MYLK: variants seen among roughly 807,000 people sequenced by gnomAD.
MYLK encodes myosin light chain kinase, smooth muscle.
A neutral mutation model predicts 203.4 loss-of-function variants in MYLK; 106 were observed. The ratio of observed to expected loss-of-function variants is 0.52; its 90% CI spans 0.45 to 0.61. The LOEUF (loss-of-function observed/expected upper bound fraction) is 0.61. Ranked by LOEUF, MYLK falls within the 20% of genes least tolerant of loss-of-function variation. MYLK has a pLI of 0.00. For missense variants in MYLK, 2,072 were observed against 2,442.3 expected, an observed-to-expected ratio of 0.85 and a Z score of 3.20; for synonymous variants, 867 against 959.5, an observed-to-expected ratio of 0.90 and a Z score of 1.78.
chr3:123,877,612 A>G (rs533869235), intron 1 of MYLK, among the ~76,000 whole-genome samples: 26 of 152,358 alleles, frequency 1.7e-4, no homozygotes, highest in Middle Eastern at 3.4e-3. Flanking sequence ...CGTTGATTGT[A>G]TCATGTATAC....
At chr3:123,787,702 C>T (rs1013171729) in intron 4 of MYLK, among the ~76,000 whole-genome samples, 3 of 152,100 alleles carry the variant, frequency 2.0e-5, no homozygotes, top group African/African-American at 7.2e-5. Flanking sequence ...CAGGTTCTTA[C>T]CCTACAAAAA....
chr3:123,821,807 C>A (rs966571660), intron 3 of MYLK, among the ~76,000 whole-genome samples: 5 of 152,168 alleles, frequency 3.3e-5, no homozygotes, highest in African/African-American at 1.2e-4. Flanking sequence ...AAAACCCAAC[C>A]CTTTACCTAT....
chr3:123,866,985 C>T (rs2032373823), intron 2 of MYLK, among the ~76,000 whole-genome samples: 1 of 152,104 alleles, frequency 6.6e-6, no homozygotes, highest in African/African-American at 2.4e-5. Context: ...CCTAGAACAC[C>T]CCTTTCCCTC....
chr3:123,766,581 C>G (rs1267899386), intron 4 of MYLK, among the ~76,000 whole-genome samples: 1 of 151,994 alleles, frequency 6.6e-6, no homozygotes, highest in Non-Finnish European at 1.5e-5. Context: ...AAAGGGTGAA[C>G]CCAGTTTGCA....
intron 13 of MYLK, among the ~76,000 whole-genome samples, chr3:123,711,338 G>T (rs767391873): frequency 2.0e-5 from 3 of 152,186 alleles, no homozygotes; most frequent in African/African-American, 7.2e-5. Flanking sequence ...AACACCTTAA[G>T]TCTCCATAGT....
Position 123,752,450 on chromosome 3 carries a change from A to C in MYLK, c.254T>G (p.Ile85Ser). ...AATCACAAGGCTGAAAGTCCCCCGG[A>C]TGCCGCAATCCAGCAGGAAGCGGCC... ...SGGRFLLDCG[I>S]RGTFSLVIHA... The change falls in exon 5 of 34, where the codon ATC becomes AGC. Residue 85 changes from isoleucine to serine, a missense_variant. Physicochemically the swap from Ile to Ser is moderately radical, Grantham distance 142. This residue lies in a region of MYLK where 683 missense variants were observed against 643.8 expected (regional missense o/e 1.06). Coordinates refer to ENST00000360304, the MANE Select transcript of MYLK (RefSeq NM_053025.4). 1 of 1,614,188 alleles carries C rather than the reference A, an allele frequency of 6.2e-7. No individual in the cohort carries two copies. The highest frequency in any genetic ancestry group is 8.5e-7 in the Non-Finnish European group (1 of 1,180,030).
chr3:123,840,352 C>T (rs2066560579), intron 2 of MYLK, among the ~76,000 whole-genome samples: 2 of 129,172 alleles, frequency 1.5e-5, no homozygotes, highest in South Asian at 5.2e-4. Context: ...GAGAACATCA[C>T]TACAAATCCT....
chr3:123,681,833 T>G, intron 20 of MYLK: 2 of 287,342 alleles, frequency 7.0e-6, no homozygotes, highest in Non-Finnish European at 1.4e-5. Context: ...CAACCAGGAG[T>G]GATGAGATCA....
At chr3:123,687,568 G>C (rs2060498075) in intron 19 of MYLK, among the ~76,000 whole-genome samples, 1 of 151,184 alleles carries the variant, frequency 6.6e-6, no homozygotes, top group Non-Finnish European at 1.5e-5. Context: ...AGCAGCACCT[G>C]ACCCTTCCTT....
At chr3:123,644,009 T>C (rs820470) in intron 27 of MYLK, among the ~76,000 whole-genome samples, 49,978 of 152,228 alleles carry the variant, frequency 0.33, 14,836 homozygotes, top group African/African-American at 0.76. Context: ...CTGAAGGAAC[T>C]GCTGTGTCAG....
chr3:123,616,562 C>A (rs1192739149), intron 33 of MYLK: 1 of 152,124 alleles, frequency 6.6e-6, no homozygotes, highest in Non-Finnish European at 1.5e-5. Flanking sequence ...AATTGTAGCC[C>A]TGATACGGTT....
chr3:123,651,900 G>T (rs967043679), intron 24 of MYLK, among the ~76,000 whole-genome samples: 1 of 152,216 alleles, frequency 6.6e-6, no homozygotes, highest in Non-Finnish European at 1.5e-5. Context: ...AGGAATTCCA[G>T]CCCCTCTTTC....
chr3:123,626,105 A>G (rs2058134942), intron 31 of MYLK, among the ~76,000 whole-genome samples: 1 of 152,176 alleles, frequency 6.6e-6, no homozygotes, highest in Non-Finnish European at 1.5e-5. Context: ...CCTAGGGTTA[A>G]AAGATTTAGT....
chr3:123,709,961 A>C (rs2061626380), intron 13 of MYLK, 68 bp from the exon 14 acceptor site: 1 of 1,592,020 alleles, frequency 6.3e-7, no homozygotes, highest in African/African-American at 1.3e-5. Flanking sequence ...AGACTAAATG[A>C]CCACTTGGTA....
intron 11 of MYLK, among the ~76,000 whole-genome samples, chr3:123,728,369 G>A (rs1217303078): frequency 6.6e-6 from 1 of 152,120 alleles, no homozygotes; most frequent in East Asian, 1.9e-4. Flanking sequence ...ATATTAGCCA[G>A]GCATGATGGC....
intron 28 of MYLK, among the ~76,000 whole-genome samples, chr3:123,638,439 C>CT (rs2058721826): frequency 9.9e-5 from 15 of 152,154 alleles, no homozygotes; most frequent in Admixed American, 9.2e-4. Flanking sequence ...GAGAAGAGGC[C>CT]GCTAAATCAC....
chr3:123,841,838 G>GA (rs756122366), intron 2 of MYLK, among the ~76,000 whole-genome samples: 1 of 152,194 alleles, frequency 6.6e-6, no homozygotes, highest in Non-Finnish European at 1.5e-5. Flanking sequence ...GAGCTAATCA[G>GA]AAAAAATCTA....
At chr3:123,697,269 G>C (rs1199660387) in intron 18 of MYLK, among the ~76,000 whole-genome samples, 1 of 152,162 alleles carries the variant, frequency 6.6e-6, no homozygotes, top group Non-Finnish European at 1.5e-5. Context: ...GCGAGTGAAG[G>C]GACAGAAGGT....
intron 3 of MYLK, 180 bp downstream of exon 3, chr3:123,831,368 T>A (rs1030234829): frequency 7.8e-7 from 1 of 1,288,952 alleles, no homozygotes; most frequent in Admixed American, 2.3e-5. Context: ...CAACAGACAA[T>A]GCTACAGCAT....
Sources: allele counts gnomAD v4.1 joint callset (sites outside exome capture counted in the v4.1 genomes callset), GRCh38; gene constraint gnomAD v4.1.1; regional missense constraint gnomAD v4.1.1; transcripts MANE v1.5; gene names NCBI Gene and HGNC (gene_info 2026-07-23, HGNC 2026-07-21).